Variants in FBXL13 observed in about 807,000 individuals in gnomAD.
The protein encoded by FBXL13 is F-box and leucine-rich repeat protein 13.
Under a neutral mutation model 83.6 loss-of-function variants are expected in FBXL13, and 67 were observed. The observed-to-expected ratio is 0.80, with a 90% CI of 0.66 to 0.98. The LOEUF (loss-of-function observed/expected upper bound fraction) is 0.98. Ranked by LOEUF, FBXL13 falls within the 50% of genes least tolerant of loss-of-function variation. The probability of loss-of-function intolerance (pLI) is 0.00; values close to 1 mark genes in which losing one functional copy is unlikely to be tolerated. For synonymous variants in FBXL13, 272 were observed against 299.5 expected, an observed-to-expected ratio of 0.91 and a Z score of 0.95; for missense variants, 822 against 866.5, an observed-to-expected ratio of 0.95 and a Z score of 0.64.
chr7:102,978,037 T>A (rs1316388340), intron 6 of FBXL13, among the ~76,000 whole-genome samples: 1 of 152,116 alleles, frequency 6.6e-6, no homozygotes, highest in East Asian at 1.9e-4. Context: ...ACATGGCACA[T>A]GTGGCACATG....
At position 102,813,430 on chromosome 7, in the gene FBXL13, G is replaced by A. The variant is rs758501569; in HGVS notation, c.2120C>T (p.Thr707Ile). 13 of 1,614,048 alleles carry A rather than the reference G, an allele frequency of 8.1e-6. No homozygotes were observed. The African/African-American group carries it at 1.7e-4, about 22-fold the overall frequency. ...AGATGATGTTATGTTGTCAAGCTCT[G>A]TAACAGGGTTTCCTTCCCTATCATA... The change falls in exon 20 of 20, where the codon ACA becomes ATA. Residue 707 changes from threonine (T) to isoleucine (I), a missense_variant. Transcript: ENST00000313221.
chr7:102,848,125 A>C (rs933109151), intron 17 of FBXL13, among the ~76,000 whole-genome samples: 1 of 152,072 alleles, frequency 6.6e-6, no homozygotes, highest in Admixed American at 6.6e-5. Context: ...ATGAAACCTG[A>C]TTTTCTCCTG....
intron 6 of FBXL13, among the ~76,000 whole-genome samples, chr7:103,004,516 C>T (rs1790769210): frequency 6.6e-6 from 1 of 152,168 alleles, no homozygotes; most frequent in African/African-American, 2.4e-5. Flanking sequence ...GCTGGGGTTG[C>T]TCTTTGTCTC....
At chr7:102,963,816 G>C (rs1338324688) in intron 7 of FBXL13, 151 bp from the exon 9 acceptor site, 1 of 703,988 alleles carries the variant, frequency 1.4e-6, no homozygotes, top group East Asian at 3.1e-5. Context: ...ACAACCTATA[G>C]AATGAGAGAG....
At chr7:103,016,738 A>G (rs1176795683) in intron 6 of FBXL13, among the ~76,000 whole-genome samples, 1 of 152,180 alleles carries the variant, frequency 6.6e-6, no homozygotes, top group Non-Finnish European at 1.5e-5. Context: ...CTCGCACAGC[A>G]GTCTGAGATC....
intron 16 of FBXL13, among the ~76,000 whole-genome samples, chr7:102,862,320 A>T (rs80263722): frequency 0.19 from 28,096 of 147,286 alleles, 2,920 homozygotes; most frequent in East Asian, 0.43. Context: ...CAGAGGGAGA[A>T]TCTGTCTCAA....
chr7:102,923,465 A>G (rs1283893865), intron 10 of FBXL13, among the ~76,000 whole-genome samples: 1 of 152,216 alleles, frequency 6.6e-6, no homozygotes, highest in Non-Finnish European at 1.5e-5. Flanking sequence ...CTACAAGAAC[A>G]CAGATAAAGT....
rs539737584 is a variant in FBXL13, at chr7:103,005,309, A to G, written c.495+19754T>C. ...TTTGAAAAGAGGGTAGGGACATCAG[A>G]AAAACAGGATTGAGGAAGGAGGTAA... is the stretch of plus-strand genomic sequence containing the variant. On this transcript the variant is annotated intron_variant, in intron 6 of 19. Transcript: ENST00000313221. Among the ~76,000 whole-genome samples the G allele has an allele frequency of 9.5e-4, 145 of 152,328 alleles. 2 individuals are homozygous for G. Among genetic ancestry groups the G allele is most frequent in the African/African-American group, 3.3e-3 (137 of 41,570 alleles).
At chr7:102,846,194 A>G (rs1385552515) in intron 17 of FBXL13, among the ~76,000 whole-genome samples, 4 of 152,242 alleles carry the variant, frequency 2.6e-5, no homozygotes, top group African/African-American at 7.2e-5. Context: ...TAGCCTCATC[A>G]TTTAAAAAAA....
chr7:102,971,364 G>A (rs1009381115), intron 6 of FBXL13, among the ~76,000 whole-genome samples: 3 of 151,862 alleles, frequency 2.0e-5, no homozygotes, highest in African/African-American at 4.8e-5. Flanking sequence ...TTGGGAGGCT[G>A]AGGCAGGCAG....
intron 19 of FBXL13, 134 bp downstream of exon 20, chr7:102,821,906 A>G: frequency 9.7e-7 from 1 of 1,026,388 alleles, no homozygotes; most frequent in Non-Finnish European, 1.4e-6. Context: ...GTTAGCTTCA[A>G]TTAGGCAAAA....
At chr7:103,033,914 G>A (rs928480833) in intron 2 of FBXL13, among the ~76,000 whole-genome samples, 2 of 152,154 alleles carry the variant, frequency 1.3e-5, no homozygotes, top group African/African-American at 4.8e-5. Flanking sequence ...CAATCCCTGA[G>A]CTAGACACAA....
chr7:102,966,406 A>C (rs1394004191), intron 7 of FBXL13, among the ~76,000 whole-genome samples: 1 of 152,204 alleles, frequency 6.6e-6, no homozygotes, highest in East Asian at 1.9e-4. Flanking sequence ...TAAAGTAATA[A>C]ATCTCTAAAT....
At chr7:102,921,034 C>A (rs1408031723) in intron 10 of FBXL13, among the ~76,000 whole-genome samples, 1 of 151,998 alleles carries the variant, frequency 6.6e-6, no homozygotes, top group South Asian at 2.1e-4. Context: ...CACCTGTAAT[C>A]CCAGCTACTC....
intron 17 of FBXL13, among the ~76,000 whole-genome samples, chr7:102,847,813 A>AC (rs1418224773): frequency 6.6e-6 from 1 of 151,996 alleles, no homozygotes; most frequent in Admixed American, 6.6e-5. Context: ...ATAGGTGTGA[A>AC]CTACTGCACC....
chr7:103,067,748 T>C (rs140524052), intron 1 of FBXL13, among the ~76,000 whole-genome samples: 87 of 152,340 alleles, frequency 5.7e-4, no homozygotes, highest in African/African-American at 2.0e-3. Flanking sequence ...TCTCAAGCAA[T>C]AATATTCTGT....
At chr7:102,923,334 G>A (rs1225235408) in intron 10 of FBXL13, among the ~76,000 whole-genome samples, 4 of 152,046 alleles carry the variant, frequency 2.6e-5, no homozygotes, top group Non-Finnish European at 5.9e-5. Flanking sequence ...GATGTTTTCC[G>A]TGGTATAGAA....
chr7:103,065,460 G>A (rs1223148406), intron 1 of FBXL13, among the ~76,000 whole-genome samples: 1 of 152,152 alleles, frequency 6.6e-6, no homozygotes, highest in Non-Finnish European at 1.5e-5. Context: ...AAGTTCTCAT[G>A]TCCCTCTCCA....
chr7:103,012,611 G>A (rs1791772498), intron 6 of FBXL13, among the ~76,000 whole-genome samples: 1 of 152,100 alleles, frequency 6.6e-6, no homozygotes, highest in Non-Finnish European at 1.5e-5. Flanking sequence ...AATGCTAAGG[G>A]AATTTCTTAC....
Sources: gnomAD v4.1 joint callset for allele counts (sites outside exome capture counted in the v4.1 genomes callset) on GRCh38, gnomAD v4.1.1 for gene constraint, MANE v1.5 for transcripts, NCBI Gene and HGNC (gene_info 2026-07-23, HGNC 2026-07-21) for gene names.